Variants in GRID2 observed in about 807,000 individuals in gnomAD.
GRID2 encodes the protein glutamate receptor ionotropic, delta-2.
A neutral mutation model predicts 114.8 loss-of-function variants in GRID2; 33 were observed. The ratio of observed to expected loss-of-function variants is 0.29; its 90% CI spans 0.22 to 0.38. The LOEUF (loss-of-function observed/expected upper bound fraction) is 0.38, where lower values mean the gene tolerates loss of function less well. GRID2 is among the 10% of genes least tolerant of loss of function. GRID2 has a pLI of 1.00. For missense variants in GRID2, 1,184 were observed against 1,257.7 expected (o/e 0.94, Z 0.89); for synonymous variants, 505 against 449.9 (o/e 1.12, Z -1.55).
At chr4:93,710,448 C>A (rs78396000) in intron 14 of GRID2, among the ~76,000 whole-genome samples, 21 of 152,148 alleles carry the variant, frequency 1.4e-4, no homozygotes, top group Admixed American at 9.2e-4. Context: ...TCTCTTTCTA[C>A]GGTGAGCTGC....
intron 13 of GRID2, among the ~76,000 whole-genome samples, chr4:93,551,290 GA>G (rs1733724903): frequency 6.6e-6 from 1 of 152,202 alleles, no homozygotes; most frequent in Admixed American, 6.5e-5. Flanking sequence ...TGCTAAGCTG[GA>G]AGGTTTTGGG....
rs566981052 is a variant in GRID2, at chr4:92,623,027, GA to G, written c.244+32743del. ...GGTTCATCACTATTGGGAATCTTTT[GA>G]AGATGAAAAACTTGTTTTCTAGAAT... On this transcript the variant is annotated intron_variant, in intron 2 of 15. Coordinates refer to ENST00000282020, the MANE Select transcript of GRID2 (RefSeq NM_001510.4). Among the ~76,000 whole-genome samples, 370 of 151,710 alleles carry G rather than the reference GA, an allele frequency of 2.4e-3. 5 individuals are homozygous for G. Among genetic ancestry groups the G allele is most frequent in the African/African-American group, 8.2e-3 (341 of 41,478 alleles).
At chr4:93,043,358 T>G (rs2149271709) in intron 2 of GRID2, among the ~76,000 whole-genome samples, 1 of 152,252 alleles carries the variant, frequency 6.6e-6, no homozygotes, top group South Asian at 2.1e-4. Flanking sequence ...CTCAATAAAC[T>G]TATAGATCAT....
intron 2 of GRID2, among the ~76,000 whole-genome samples, chr4:92,803,326 A>G (rs528639246): frequency 2.6e-5 from 4 of 151,988 alleles, no homozygotes; most frequent in Admixed American, 6.6e-5. Context: ...TCCCCATTAG[A>G]TATTATACAA....
chr4:92,841,772 ATATATT>A (rs1255054322), intron 2 of GRID2, among the ~76,000 whole-genome samples: 5 of 152,162 alleles, frequency 3.3e-5, no homozygotes, highest in South Asian at 4.1e-4. Flanking sequence ...AAACAAACAC[ATATATT>A]TATATTTATA....
chr4:92,313,120 T>C (rs1163887005), intron 1 of GRID2, among the ~76,000 whole-genome samples: 2 of 148,984 alleles, frequency 1.3e-5, no homozygotes, highest in Non-Finnish European at 3.0e-5. Flanking sequence ...TGTGTGTGTG[T>C]GTATATGAGA....
intron 4 of GRID2, among the ~76,000 whole-genome samples, chr4:93,183,214 A>T (rs529675321): frequency 1.3e-5 from 2 of 152,170 alleles, no homozygotes; most frequent in Non-Finnish European, 2.9e-5. Flanking sequence ...AAAAAAAATG[A>T]GGTGATCCAT....
intron 10 of GRID2, among the ~76,000 whole-genome samples, chr4:93,432,744 C>G (rs1010184655): frequency 6.6e-6 from 1 of 152,062 alleles, no homozygotes; most frequent in Non-Finnish European, 1.5e-5. Flanking sequence ...AAACTGTACA[C>G]CCTAGTTAAT....
At chr4:93,059,087 GAGCTTGCTGAGGGGCAAGTA>G (rs1727537629) in intron 2 of GRID2, among the ~76,000 whole-genome samples, 1 of 152,060 alleles carries the variant, frequency 6.6e-6, no homozygotes, top group Non-Finnish European at 1.5e-5. Flanking sequence ...TTAGTAATTT[GAGCTTGCTGAGGGGCAAGTA>G]TGTATAATGT....
At chr4:92,941,622 G>C (rs1042495314) in intron 2 of GRID2, among the ~76,000 whole-genome samples, 1 of 152,066 alleles carries the variant, frequency 6.6e-6, no homozygotes, top group African/African-American at 2.4e-5. Context: ...TTTTGAATGT[G>C]TTTGCTCTTG....
In GRID2 at chr4:92,503,892, T is replaced by C. The variant is rs139272492; in HGVS notation, c.89-86239T>C. 8.7e-4 allele frequency among the ~76,000 whole-genome samples: 132 copies of C among 152,174 alleles called. 1 individual carries two copies. Among genetic ancestry groups the C allele is most frequent in the African/African-American group, 3.0e-3 (124 of 41,542 alleles). The stretch of plus-strand genomic sequence containing the variant: ...TAATGAGGTAGAGGTATATAGTTAA[T>C]GAAGAACTGGAGGAGCTCAAGAAGA... On this transcript the variant is annotated intron_variant, in intron 1 of 15. Transcript: ENST00000282020.
chr4:93,395,552 G>T (rs1237036833), intron 8 of GRID2, 55 bp from the exon 9 acceptor site: 8 of 791,856 alleles, frequency 1.0e-5, no homozygotes, highest in Non-Finnish European at 1.8e-5. Context: ...ACTATACAGA[G>T]GTGATGGGAC....
intron 13 of GRID2, among the ~76,000 whole-genome samples, chr4:93,516,206 C>G (rs1729711492): frequency 1.3e-5 from 2 of 152,030 alleles, no homozygotes; most frequent in Admixed American, 6.6e-5. Context: ...TTCTCTCTGA[C>G]CTTCCACTGC....
intron 1 of GRID2, among the ~76,000 whole-genome samples, chr4:92,501,006 T>A (rs925894134): frequency 2.0e-5 from 3 of 152,156 alleles, no homozygotes; most frequent in Non-Finnish European, 4.4e-5. Context: ...GGCCCAGAGT[T>A]ACGTGCTATT....
chr4:93,745,099 A>G (rs184447657), intron 14 of GRID2, among the ~76,000 whole-genome samples: 233 of 152,272 alleles, frequency 1.5e-3, no homozygotes, highest in African/African-American at 5.4e-3. Context: ...CAAAAACATG[A>G]CTTGCTTTAT....
At chr4:93,178,451 C>T (rs1295547702) in intron 4 of GRID2, among the ~76,000 whole-genome samples, 2 of 114,646 alleles carry the variant, frequency 1.7e-5, no homozygotes, top group Admixed American at 2.6e-4. Context: ...GGCTGGAGTA[C>T]AGTGATGCAA....
intron 14 of GRID2, among the ~76,000 whole-genome samples, chr4:93,660,685 T>A (rs1723412379): frequency 6.6e-6 from 1 of 152,188 alleles, no homozygotes; most frequent in Non-Finnish European, 1.5e-5. Flanking sequence ...ACTTGCAATC[T>A]ACCAAGTTAG....
intron 1 of GRID2, among the ~76,000 whole-genome samples, chr4:92,589,502 T>C (rs1369686362): frequency 2.0e-5 from 3 of 152,214 alleles, no homozygotes; most frequent in Non-Finnish European, 2.9e-5. Context: ...TATTTACACA[T>C]GGATAAAAAA....
intron 3 of GRID2, among the ~76,000 whole-genome samples, chr4:93,099,018 T>C (rs1007037441): frequency 6.6e-6 from 1 of 151,222 alleles, no homozygotes; most frequent in Non-Finnish European, 1.5e-5. Flanking sequence ...TGTGTGTGTG[T>C]GTGTGTGTGT....
Sources: gnomAD v4.1 joint callset for allele counts (sites outside exome capture counted in the v4.1 genomes callset) on GRCh38, gnomAD v4.1.1 for gene constraint, MANE v1.5 for transcripts, NCBI Gene and HGNC (gene_info 2026-07-23, HGNC 2026-07-21) for gene names.